LOC128462377: variants seen among roughly 807,000 people sequenced by gnomAD.
At chr16:89,383,778 C>T in the LOC128462377 span, among the ~76,000 whole-genome samples, 1 of 152,180 alleles carries the variant, frequency 6.6e-6, no homozygotes, top group Non-Finnish European at 1.5e-5. Flanking sequence ...CAAGAAGGCC[C>T]AATGCCAAGA....
the LOC128462377 span, among the ~76,000 whole-genome samples, chr16:89,340,681 T>C: frequency 6.6e-6 from 1 of 152,180 alleles, no homozygotes; most frequent in East Asian, 1.9e-4. Flanking sequence ...AGAGACAATA[T>C]AATTAACAAA....
the LOC128462377 span, among the ~76,000 whole-genome samples, chr16:89,378,424 T>C: frequency 6.6e-6 from 1 of 152,254 alleles, no homozygotes; most frequent in African/African-American, 2.4e-5. Flanking sequence ...TAGGTCAATA[T>C]TGATTTGTAA....
chr16:89,354,673 G>A, the LOC128462377 span, among the ~76,000 whole-genome samples: 1 of 152,206 alleles, frequency 6.6e-6, no homozygotes, highest in Non-Finnish European at 1.5e-5. Context: ...CCTGAAGTCA[G>A]GAGTTCAAGA....
chr16:89,390,211 C>A, the LOC128462377 span, among the ~76,000 whole-genome samples: 24 of 115,336 alleles, frequency 2.1e-4, no homozygotes, highest in African/African-American at 7.4e-4. Flanking sequence ...GGGCGAACAC[C>A]GAGTGTGGCG....
chr16:89,406,262 C>T, the LOC128462377 span, among the ~76,000 whole-genome samples: 3 of 152,184 alleles, frequency 2.0e-5, no homozygotes, highest in African/African-American at 7.2e-5. Flanking sequence ...CCCACACGTG[C>T]TGGTCTCCAG....
At chr16:89,392,548 T>C in the LOC128462377 span, 1 of 152,028 alleles carries the variant, frequency 6.6e-6, no homozygotes, top group South Asian at 2.1e-4. Context: ...CACGCTGAGA[T>C]GCTCCAGGGT....
At chr16:89,370,053 T>G in the LOC128462377 span, among the ~76,000 whole-genome samples, 4,480 of 152,304 alleles carry the variant, frequency 0.029, 149 homozygotes, top group African/African-American at 0.075. Context: ...AACGCAAACC[T>G]TCTGGCTTCA....
chr16:89,328,080 A>C, the LOC128462377 span, among the ~76,000 whole-genome samples: 3 of 152,262 alleles, frequency 2.0e-5, no homozygotes, highest in Non-Finnish European at 4.4e-5. Flanking sequence ...GAAGAGGTGC[A>C]CGTGGTGAAC....
At chr16:89,361,608 T>C in the LOC128462377 span, 1 of 152,354 alleles carries the variant, frequency 6.6e-6, no homozygotes, top group East Asian at 1.9e-4. Context: ...CCCATCCTGC[T>C]GGGAGAATGC....
At chr16:89,370,228 G>A in the LOC128462377 span, among the ~76,000 whole-genome samples, 1 of 152,236 alleles carries the variant, frequency 6.6e-6, no homozygotes, top group East Asian at 1.9e-4. Context: ...CAGGCGAGGG[G>A]AGCCCATGTC....
chr16:89,382,343 A>T, the LOC128462377 span, among the ~76,000 whole-genome samples: 3 of 146,224 alleles, frequency 2.1e-5, no homozygotes, highest in Non-Finnish European at 3.1e-5. Flanking sequence ...ATATTTTTTT[A>T]AAGACAGAGT....
At chr16:89,343,922 G>C in the LOC128462377 span, 1 of 152,234 alleles carries the variant, frequency 6.6e-6, no homozygotes, top group East Asian at 1.9e-4. Context: ...TACGGATCAC[G>C]GGCTGTTTTG....
the LOC128462377 span, among the ~76,000 whole-genome samples, chr16:89,320,817 C>T: frequency 3.9e-5 from 6 of 152,242 alleles, no homozygotes; most frequent in South Asian, 2.1e-4. Flanking sequence ...TGGGAACAGC[C>T]GTCCTTGCCC....
At chr16:89,368,702 G>C in the LOC128462377 span, among the ~76,000 whole-genome samples, 1 of 151,112 alleles carries the variant, frequency 6.6e-6, no homozygotes, top group African/African-American at 2.4e-5. Context: ...CAGCCCAGGA[G>C]CTCAAGACCA....
the LOC128462377 span, among the ~76,000 whole-genome samples, chr16:89,343,995 A>G: frequency 2.6e-5 from 4 of 152,214 alleles, no homozygotes; most frequent in Non-Finnish European, 1.5e-5. Flanking sequence ...CCAGGGGCAC[A>G]TCACAGACAT....
At chr16:89,415,564 A>G in the LOC128462377 span, among the ~76,000 whole-genome samples, 1 of 151,766 alleles carries the variant, frequency 6.6e-6, no homozygotes, top group Admixed American at 6.6e-5. Context: ...GCGCCCGGCA[A>G]GCTATTCTTT....
At chr16:89,371,584 G>A in the LOC128462377 span, among the ~76,000 whole-genome samples, 1 of 152,150 alleles carries the variant, frequency 6.6e-6, no homozygotes, top group Non-Finnish European at 1.5e-5. Flanking sequence ...CCAGGCAGGC[G>A]CCGCTCCCCA....
At chr16:89,373,579 C>T in the LOC128462377 span, 1 of 152,236 alleles carries the variant, frequency 6.6e-6, no homozygotes, top group East Asian at 1.9e-4. Flanking sequence ...ACCAGCGATT[C>T]GAGAGAAAAC....
the LOC128462377 span, chr16:89,323,416 G>A: frequency 2.7e-6 from 3 of 1,099,952 alleles, no homozygotes; most frequent in Admixed American, 2.4e-5. Flanking sequence ...GGGCAGGGGG[G>A]CTGAGCCGAG....
Sources: gnomAD v4.1 joint callset for allele counts (sites outside exome capture counted in the v4.1 genomes callset) on GRCh38, gnomAD v4.1.1 for gene constraint, MANE v1.5 for transcripts.